Variants in PUDP observed in about 807,000 individuals in gnomAD.
PUDP encodes pseudouridine-5'-phosphatase.
PUDP carries 8 observed loss-of-function variants against 9.4 expected under a neutral mutation model. That is an observed-to-expected ratio of 0.85 (90% confidence interval 0.50 to 1.53). PUDP has a LOEUF of 1.53. Among genes scored for constraint, PUDP ranks in the 40% most tolerant of loss-of-function variants. The pLI, the probability that PUDP is intolerant of heterozygous loss-of-function variation, is 0.00. For synonymous variants in PUDP, 99 were observed against 80.7 expected (o/e 1.23, Z -1.22); for missense variants, 188 against 189.7 (o/e 0.99, Z 0.05).
chrX:7,068,707 C>T (rs2146855989), intron 3 of PUDP, among the ~76,000 whole-genome samples: 1 of 112,036 alleles, frequency 8.9e-6, no homozygotes, highest in South Asian at 3.8e-4. Flanking sequence ...CCTGGAGGGA[C>T]AGGAGCAGGC....
intron 3 of PUDP, among the ~76,000 whole-genome samples, chrX:6,953,741 G>C: frequency 9.0e-6 from 1 of 111,148 alleles, no homozygotes. Flanking sequence ...TCTCCAAGTT[G>C]CTTCTCCAAA....
At position 6,784,542 on chromosome X, in the gene PUDP, C is replaced by A. The variant is rs181519502; in HGVS notation, c.*248-78076G>T. Among the ~76,000 whole-genome samples the A allele has an allele frequency of 4.3e-4, 48 of 111,660 alleles. 1 individual carries two copies. The East Asian group carries it at 0.013, about 30-fold the overall frequency. On this transcript the variant is annotated intron_variant and NMD_transcript_variant, in intron 3 of 3. Transcript: ENST00000655425. Reference sequence around the variant, plus strand: ...TTGAAGCATTGGCACCATCAGCAATCTTTACCCAAGGTGCAGGAATTACCT... The same window carrying A: ...TTGAAGCATTGGCACCATCAGCAATATTTACCCAAGGTGCAGGAATTACCT...
At chrX:6,989,900 T>C (rs946078721) in intron 1 of PUDP, 1 of 111,533 alleles carries the variant, frequency 9.0e-6, no homozygotes, top group Non-Finnish European at 1.9e-5. Context: ...CTGCTCACCT[T>C]TAGTGGTGGT....
At chrX:6,946,997 GTTTGT>G (rs1215968560) in intron 3 of PUDP, among the ~76,000 whole-genome samples, 1,033 of 57,155 alleles carry the variant, frequency 0.018, 11 homozygotes, top group African/African-American at 0.051. Flanking sequence ...TTTTCTGTTT[GTTTGT>G]TTTTTTTTTT....
intron 1 of PUDP, among the ~76,000 whole-genome samples, chrX:6,979,899 T>C (rs982980007): frequency 9.0e-6 from 1 of 111,248 alleles, no homozygotes; most frequent in Non-Finnish European, 1.9e-5. Context: ...TTTTTTTCTA[T>C]AGTTGAACTT....
At chrX:7,124,718 G>A (rs186567120) in intron 1 of PUDP, among the ~76,000 whole-genome samples, 150 of 111,140 alleles carry the variant, frequency 1.3e-3, no homozygotes, top group Middle Eastern at 4.6e-3. Context: ...AGGCCGAGGC[G>A]GGTGGATCAC....
intron 1 of PUDP, among the ~76,000 whole-genome samples, chrX:7,017,383 A>C: frequency 9.0e-6 from 1 of 111,699 alleles, no homozygotes; most frequent in Middle Eastern, 4.6e-3. Flanking sequence ...CAGCATCCTG[A>C]GATATTATTT....
At chrX:7,011,642 A>C (rs760988473) in intron 1 of PUDP, among the ~76,000 whole-genome samples, 6 of 112,084 alleles carry the variant, frequency 5.4e-5, no homozygotes, top group Non-Finnish European at 7.5e-5. Flanking sequence ...ATGCCTGGGG[A>C]AGAAAAGGTG....
chrX:6,752,690 G>A (rs1043507767), intron 3 of PUDP, among the ~76,000 whole-genome samples: 7 of 110,868 alleles, frequency 6.3e-5, no homozygotes, highest in Non-Finnish European at 1.9e-5. Context: ...TAAGAAGGAG[G>A]GAAGGATAGG....
At position 6,874,296 on chromosome X, in the gene PUDP, A is replaced by T. The variant is rs551345147; in HGVS notation, c.*247+102837T>A. On this transcript the variant is annotated intron_variant and NMD_transcript_variant, in intron 3 of 3. Transcript: ENST00000655425. ...TATATGAAAGCTGCTTTCATAACTA[A>T]CCGCTTAATATCTACCAGTAGACAT... Among the ~76,000 whole-genome samples the T allele has an allele frequency of 7.9e-4, 89 of 111,990 alleles. No individual in the cohort carries two copies. The South Asian group carries it at 0.031, about 39-fold the overall frequency.
At chrX:6,930,668 C>T (rs1280995413) in intron 3 of PUDP, among the ~76,000 whole-genome samples, 2 of 107,630 alleles carry the variant, frequency 1.9e-5, no homozygotes, top group Non-Finnish European at 3.9e-5. Context: ...TATGGAGTAG[C>T]CATTCTTTTG....
intron 3 of PUDP, among the ~76,000 whole-genome samples, chrX:6,822,116 A>G (rs1768285826): frequency 3.6e-5 from 4 of 111,356 alleles, no homozygotes; most frequent in African/African-American, 1.3e-4. Flanking sequence ...TCTTTTGCCT[A>G]TTAAACTTCC....
rs1323833999 is a variant in PUDP, at chrX:6,752,490, G to C, written c.*248-46024C>G. Among the ~76,000 whole-genome samples, 6 of 111,898 alleles carry C rather than the reference G, an allele frequency of 5.4e-5. No homozygotes were observed. The Admixed American group carries it at 5.7e-4, about 11-fold the overall frequency. The stretch of plus-strand genomic sequence containing the variant: ...TTTTTTAAAAGCCACACTGTGCTCA[G>C]AGTGGAGGATTTATTAATAACTAGG... On this transcript the variant is annotated intron_variant and NMD_transcript_variant, in intron 3 of 3. Coordinates refer to the PUDP transcript ENST00000655425.
At chrX:7,127,434 C>T (rs778593281) in intron 1 of PUDP, among the ~76,000 whole-genome samples, 10 of 112,467 alleles carry the variant, frequency 8.9e-5, no homozygotes, top group South Asian at 7.3e-4. Context: ...GCTGTACCTA[C>T]GACTTGTACT....
intron 3 of PUDP, among the ~76,000 whole-genome samples, chrX:6,911,905 G>C (rs188295877): frequency 9.0e-6 from 1 of 111,331 alleles, no homozygotes; most frequent in Non-Finnish European, 1.9e-5. Context: ...TTGTTTGTCC[G>C]GATAAAACTA....
intron 3 of PUDP, among the ~76,000 whole-genome samples, chrX:6,910,308 A>T: frequency 8.9e-6 from 1 of 112,104 alleles, no homozygotes. Flanking sequence ...TTTTTCATTC[A>T]GCAGATTAAA....
chrX:6,948,454 T>G (rs764057489), intron 3 of PUDP, among the ~76,000 whole-genome samples: 1 of 111,732 alleles, frequency 8.9e-6, no homozygotes, highest in Admixed American at 9.6e-5. Flanking sequence ...TGATATTTCA[T>G]GTTTCTTATT....
chrX:6,720,262 A>ATATG (rs1924654243), intron 1 of PUDP, among the ~76,000 whole-genome samples: 1 of 79,879 alleles, frequency 1.3e-5, no homozygotes, highest in East Asian at 4.0e-4. Context: ...GTGTGTGTAT[A>ATATG]TATATATATA....
At chrX:7,031,364 A>G (rs2146826453) in intron 1 of PUDP, among the ~76,000 whole-genome samples, 1 of 111,712 alleles carries the variant, frequency 9.0e-6, no homozygotes, top group South Asian at 3.8e-4. Flanking sequence ...ATCAGAGGCA[A>G]TGCAACCTGA....
Sources: gnomAD v4.1 joint callset for allele counts (sites outside exome capture counted in the v4.1 genomes callset) on GRCh38, gnomAD v4.1.1 for gene constraint, MANE v1.5 for transcripts, NCBI Gene and HGNC (gene_info 2026-07-23, HGNC 2026-07-21) for gene names.